Variants in BMS1 observed in about 807,000 individuals in gnomAD.
BMS1 encodes ribosome biogenesis protein BMS1 homolog.
BMS1 carries 53 observed loss-of-function variants against 138.7 expected under a neutral mutation model. The observed-to-expected ratio is 0.38, with a 90% CI of 0.31 to 0.48. The LOEUF (loss-of-function observed/expected upper bound fraction) is 0.48, where lower values mean the gene tolerates loss of function less well. Among genes scored for constraint, BMS1 ranks in the 20% least tolerant of loss-of-function variants. BMS1 has a pLI of 0.97. For missense variants in BMS1, 1,360 were observed against 1,565.5 expected, an observed-to-expected ratio of 0.87 and a Z score of 2.22; for synonymous variants, 504 against 539.9, an observed-to-expected ratio of 0.93 and a Z score of 0.92.
chr10:42,792,273 G>A (rs914390959), intron 6 of BMS1, among the ~76,000 whole-genome samples: 4 of 152,170 alleles, frequency 2.6e-5, no homozygotes, highest in African/African-American at 9.7e-5. Context: ...TCCCTGTCTG[G>A]TGTCTTATGG....
At position 42,790,243 on chromosome 10, in the gene BMS1, G is replaced by T. The variant is rs373549494; in HGVS notation, c.448-80G>T. ...AAACACAGGTGATGGGCTGGATTTTGCCCGTGGCCAGTTGCCAACCCTTAG... is the reference window on the plus strand; with the variant it reads ...AAACACAGGTGATGGGCTGGATTTTTCCCGTGGCCAGTTGCCAACCCTTAG... On this transcript the variant is annotated intron_variant, in intron 4 of 22. Coordinates refer to ENST00000374518, the MANE Select transcript of BMS1 (RefSeq NM_014753.4). 417 of 1,357,412 alleles carry T rather than the reference G, an allele frequency of 3.1e-4. 3 individuals are homozygous for T. In the East Asian group the frequency reaches 7.7e-3, roughly 25 times the overall value. The allele number at this position is 1,357,412 out of a possible 1,614,324, so 84.1% of individuals were successfully genotyped here.
intron 21 of BMS1, 45 bp from the exon 22 acceptor site, chr10:42,830,216 T>C (rs41295810): frequency 0.081 from 129,849 of 1,594,712 alleles, 6,028 homozygotes; most frequent in Non-Finnish European, 0.092. Flanking sequence ...TAAATGCACA[T>C]TGATCATAAT....
At chr10:42,802,724 T>A (rs6593494) in intron 13 of BMS1, among the ~76,000 whole-genome samples, 71,046 of 150,978 alleles carry the variant, frequency 0.47, 17,401 homozygotes, top group East Asian at 0.64. Flanking sequence ...GATGTACTTT[T>A]TATAAATTTT....
In BMS1 at chr10:42,831,339, C is replaced by A. The variant is rs1842796170; in HGVS notation, c.*243C>A. 7.1e-6 allele frequency: 3 copies of A among 423,090 alleles called. No individual in the cohort carries two copies. The highest frequency in any genetic ancestry group is 4.0e-5 in the Admixed American group (1 of 25,300). The allele number at this position is 423,090 out of a possible 1,614,324, so 26.2% of individuals were successfully genotyped here. ...GTGGTTATGTGGATTCTCTTACTTTCCTCTGCCTGCCTCAGTTTAATTATT... is the reference window on the plus strand; with the variant it reads ...GTGGTTATGTGGATTCTCTTACTTTACTCTGCCTGCCTCAGTTTAATTATT... On this transcript the variant is annotated 3_prime_UTR_variant, in exon 23 of 23. Coordinates refer to ENST00000374518, the MANE Select transcript of BMS1 (RefSeq NM_014753.4).
chr10:42,797,476 G>A lies in BMS1; in HGVS notation c.2042G>A (p.Arg681Lys). 6.2e-7 allele frequency: 1 copy of A among 1,614,212 alleles called. No individual in the cohort carries two copies. Among genetic ancestry groups the A allele is most frequent in the Middle Eastern group, 1.6e-4 (1 of 6,062 alleles). ...AGAAAGGCAGCTGAGGCCTTTCTGAGGCAGCAGCAAGCAGCTCCAAACCTC... is the reference window on the plus strand; with the variant it reads ...AGAAAGGCAGCTGAGGCCTTTCTGAAGCAGCAGCAAGCAGCTCCAAACCTC... Reference protein sequence around the residue: ...LSRKAAEAFLRQQQAAPNLRK... With the variant: ...LSRKAAEAFLKQQQAAPNLRK... The change falls in exon 11 of 23, where the codon AGG becomes AAG. Residue 681 changes from arginine to lysine, a missense_variant. Coordinates refer to ENST00000374518, the MANE Select transcript of BMS1 (RefSeq NM_014753.4).
intron 18 of BMS1, 128 bp downstream of exon 18, chr10:42,821,120 T>G: frequency 3.7e-6 from 3 of 812,840 alleles, no homozygotes; most frequent in South Asian, 3.3e-5. Context: ...AATTTCCCTT[T>G]GCTTTTAATC....
intron 9 of BMS1, among the ~76,000 whole-genome samples, chr10:42,796,011 T>A (rs571412680): frequency 6.6e-6 from 1 of 152,348 alleles, no homozygotes; most frequent in East Asian, 1.9e-4. Context: ...GTCTCCTGTG[T>A]CCTTTCAACT....
rs1842842669 is a variant in BMS1, at chr10:42,834,358, C to T, written c.*3262C>T. 1 of 151,174 alleles carries T rather than the reference C, an allele frequency of 6.6e-6. No homozygotes were observed. The highest frequency in any genetic ancestry group is 6.6e-5 in the Admixed American group (1 of 15,062). 9.4% of individuals were successfully genotyped at this position (151,174 alleles called of 1,614,324 possible). A position where few individuals can be genotyped will look rare whatever the true frequency, so the allele number is the denominator to read the frequency against. ...AAGAGGAAAGCCACCGGGTCTGATTCAGCTCTCTGGAGGCTCCAGAGCTTA... is the reference window on the plus strand; with the variant it reads ...AAGAGGAAAGCCACCGGGTCTGATTTAGCTCTCTGGAGGCTCCAGAGCTTA... On this transcript the variant is annotated 3_prime_UTR_variant, in exon 23 of 23. Transcript: ENST00000374518.
At chr10:42,813,686 C>A (rs1247647959) in intron 13 of BMS1, among the ~76,000 whole-genome samples, 1 of 152,128 alleles carries the variant, frequency 6.6e-6, no homozygotes, top group Admixed American at 6.5e-5. Flanking sequence ...CATATTCATC[C>A]CTTCTGCATA....
At chr10:42,812,765 C>T (rs568165587) in intron 13 of BMS1, among the ~76,000 whole-genome samples, 1 of 152,326 alleles carries the variant, frequency 6.6e-6, no homozygotes, top group East Asian at 1.9e-4. Context: ...GTAACAAGAG[C>T]ACACAATGAC....
intron 15 of BMS1, among the ~76,000 whole-genome samples, chr10:42,817,920 T>G (rs1319218708): frequency 6.6e-6 from 1 of 152,118 alleles, no homozygotes; most frequent in East Asian, 1.9e-4. Context: ...CCAGGGGAAG[T>G]GCTCTGAAAA....
chr10:42,806,123 T>C (rs1216158161), intron 13 of BMS1, among the ~76,000 whole-genome samples: 3 of 151,920 alleles, frequency 2.0e-5, no homozygotes, highest in African/African-American at 7.2e-5. Flanking sequence ...CAAGGATTCT[T>C]TTTCTTTTAT....
At position 42,830,972 on chromosome 10, in the gene BMS1, A is replaced by G. The variant is rs1217336078; in HGVS notation, c.3725A>G (p.Lys1242Arg). 6.2e-7 allele frequency: 1 copy of G among 1,606,572 alleles called. No individual in the cohort carries two copies. Among genetic ancestry groups the G allele is most frequent in the Non-Finnish European group, 8.5e-7 (1 of 1,176,038 alleles). The part of the protein sequence containing the change: ...HNKEHFRAKQ[K>R]EEEEKLKRQK... ...AAAGAGCACTTCAGAGCCAAGCAGA[A>G]GGAGGAGGAGGAGAAGCTGAAGCGG... is the stretch of plus-strand genomic sequence containing the variant. The change falls in exon 23 of 23, where the codon AAG becomes AGG. Residue 1242 changes from lysine (K) to arginine (R), a missense_variant. Lys to Arg is a conservative substitution (Grantham distance 26). Transcript: ENST00000374518.
chr10:42,811,037 TTTATTA>T (rs1170969143), intron 13 of BMS1, among the ~76,000 whole-genome samples: 1 of 131,050 alleles, frequency 7.6e-6, no homozygotes, highest in Non-Finnish European at 1.6e-5. Context: ...CTGCCCTTTA[TTTATTA>T]TTATTATTTT....
chr10:42,816,628 G>A lies in BMS1; in HGVS notation c.2359G>A (p.Glu787Lys). ...EELYGDFEDL[E>K]TGDVHKGKSG... is the part of the protein sequence containing the mutation. Reference sequence around the variant, plus strand: ...GCTCTACGGTGACTTTGAAGACTTGGAAACAGGGGACGTGCACAAGGGAAA... The same window carrying A: ...GCTCTACGGTGACTTTGAAGACTTGAAAACAGGGGACGTGCACAAGGGAAA... The change falls in exon 14 of 23, where the codon GAA becomes AAA. Residue 787 changes from glutamate (E) to lysine (K), a missense_variant. By Grantham distance (56) the Glu-to-Lys change is moderately conservative. Around this residue, in one of 3 missense-constraint regions of BMS1, gnomAD observed 697 missense variants for 686.2 expected, o/e 1.02. Transcript: ENST00000374518. 6.2e-7 allele frequency: 1 copy of A among 1,611,434 alleles called. No homozygotes were observed. Among genetic ancestry groups the A allele is most frequent in the East Asian group, 2.2e-5 (1 of 44,850 alleles).
chr10:42,795,140 C>A (rs1841638447), intron 9 of BMS1, among the ~76,000 whole-genome samples: 2 of 150,502 alleles, frequency 1.3e-5, no homozygotes, highest in South Asian at 4.2e-4. Context: ...ATATGTGCCA[C>A]ATTTTCTTAA....
intron 15 of BMS1, among the ~76,000 whole-genome samples, chr10:42,818,003 G>A (rs905243370): frequency 2.0e-5 from 3 of 152,180 alleles, no homozygotes; most frequent in African/African-American, 2.4e-5. Flanking sequence ...AGATGGTGTG[G>A]CCCTCCTGCC....
At chr10:42,785,108 C>G (rs370554118) in intron 2 of BMS1, among the ~76,000 whole-genome samples, 1 of 152,330 alleles carries the variant, frequency 6.6e-6, no homozygotes, top group East Asian at 1.9e-4. Context: ...CTAAATGTAA[C>G]TCCAGCGCCT....
At chr10:42,826,589 C>T (rs1193711528) in intron 21 of BMS1, among the ~76,000 whole-genome samples, 1 of 152,162 alleles carries the variant, frequency 6.6e-6, no homozygotes, top group Non-Finnish European at 1.5e-5. Context: ...AGGCAGGTGC[C>T]TGGGCAACTC....
Sources: allele counts gnomAD v4.1 joint callset (sites outside exome capture counted in the v4.1 genomes callset), GRCh38; gene constraint gnomAD v4.1.1; regional missense constraint gnomAD v4.1.1; transcripts MANE v1.5; gene names NCBI Gene and HGNC (gene_info 2026-07-23, HGNC 2026-07-21).